The following MRPS31 variants were observed in gnomAD, a reference collection of about 807,000 sequenced individuals.
MRPS31 encodes the protein small ribosomal subunit protein mS31.
A neutral mutation model predicts 43.1 loss-of-function variants in MRPS31; 32 were observed. That is an observed-to-expected ratio of 0.74 (90% CI 0.56 to 1.00). The LOEUF (loss-of-function observed/expected upper bound fraction) is 1.00, where lower values mean the gene tolerates loss of function less well. MRPS31 is among the 50% of genes least tolerant of loss of function. MRPS31 has a pLI of 0.00. For missense variants in MRPS31, 437 were observed against 466.7 expected (o/e 0.94, Z 0.59); for synonymous variants, 165 against 161.6 (o/e 1.02, Z -0.16).
chr13:40,759,239 C>T, intron 2 of MRPS31, 133 bp from the exon 3 acceptor site: 2 of 555,852 alleles, frequency 3.6e-6, no homozygotes, highest in Non-Finnish European at 2.9e-6. Context: ...GAGTTCGAGA[C>T]CAGCCTGGCC....
intron 6 of MRPS31, among the ~76,000 whole-genome samples, chr13:40,746,299 G>A (rs1307122629): frequency 6.6e-6 from 1 of 152,124 alleles, no homozygotes; most frequent in Non-Finnish European, 1.5e-5. Context: ...GAATTGTTGA[G>A]GCTTCAGGTT....
intron 6 of MRPS31, among the ~76,000 whole-genome samples, chr13:40,735,266 G>C (rs1879853825): frequency 6.6e-6 from 1 of 152,198 alleles, no homozygotes; most frequent in Non-Finnish European, 1.5e-5. Context: ...CCCGCACCTG[G>C]CTCAGAGGGT....
At chr13:40,732,296 T>A (rs1005368207) in intron 6 of MRPS31, among the ~76,000 whole-genome samples, 2 of 152,224 alleles carry the variant, frequency 1.3e-5, no homozygotes, top group Non-Finnish European at 2.9e-5. Context: ...CAGCTTTTCA[T>A]GGCCTTCCTC....
At chr13:40,769,202 C>T (rs1436267485) in intron 1 of MRPS31, among the ~76,000 whole-genome samples, 2 of 151,296 alleles carry the variant, frequency 1.3e-5, no homozygotes, top group Admixed American at 6.6e-5. Context: ...ATGGTGAAAT[C>T]CAGTCTCTAC....
chr13:40,730,893 T>A (rs1243256182), intron 6 of MRPS31: 2 of 151,432 alleles, frequency 1.3e-5, no homozygotes, highest in Non-Finnish European at 2.9e-5. Context: ...ACGGCAACCA[T>A]CAAGAACACT....
chr13:40,751,409 T>C (rs1282618789), intron 5 of MRPS31, among the ~76,000 whole-genome samples: 1 of 152,250 alleles, frequency 6.6e-6, no homozygotes, highest in Admixed American at 6.5e-5. Flanking sequence ...GAGATGTATG[T>C]AGTAGCCCTC....
chr13:40,756,628 G>A (rs1362343119), intron 4 of MRPS31, among the ~76,000 whole-genome samples: 9 of 152,162 alleles, frequency 5.9e-5, no homozygotes, highest in East Asian at 3.8e-4. Flanking sequence ...CCTATTCATC[G>A]TGGGTAGATG....
chr13:40,736,328 G>A (rs1879905627), intron 6 of MRPS31, among the ~76,000 whole-genome samples: 1 of 151,980 alleles, frequency 6.6e-6, no homozygotes, highest in African/African-American at 2.4e-5. Flanking sequence ...AAGTGATGGG[G>A]AGAATGGAAC....
At chr13:40,735,590 G>A (rs373586796) in intron 6 of MRPS31, among the ~76,000 whole-genome samples, 16 of 150,360 alleles carry the variant, frequency 1.1e-4, no homozygotes, top group African/African-American at 3.0e-4. Flanking sequence ...ATCTGAGAAC[G>A]GGCAGACTGC....
At chr13:40,757,353 G>A (rs1023765484) in intron 3 of MRPS31, among the ~76,000 whole-genome samples, 3 of 150,888 alleles carry the variant, frequency 2.0e-5, no homozygotes, top group Non-Finnish European at 4.4e-5. Flanking sequence ...AAAACCAAGA[G>A]TTAGCCATAT....
intron 6 of MRPS31, among the ~76,000 whole-genome samples, chr13:40,745,488 G>A (rs765893756): frequency 1.3e-5 from 2 of 152,162 alleles, no homozygotes; most frequent in Non-Finnish European, 2.9e-5. Flanking sequence ...GTGACCTCAG[G>A]TGATATACCT....
chr13:40,729,408 C>T lies in MRPS31; in HGVS notation c.1152G>A (p.Lys384=). ...GTATGTTACTTTCTTTTAGAATATCCTTTTTTTCATTAAAATAATTTCTAA... is the reference window on the plus strand; with the variant it reads ...GTATGTTACTTTCTTTTAGAATATCTTTTTTTTCATTAAAATAATTTCTAA... ...EWFRNYFNEK[K]DILKESNIQF... Residue 384 remains lysine, a synonymous_variant, in exon 7 of 7, where the codon AAG becomes AAA. Coordinates refer to ENST00000323563, the MANE Select transcript of MRPS31 (RefSeq NM_005830.4). 1 of 1,557,080 alleles carries T rather than the reference C, an allele frequency of 6.4e-7. No individual in the cohort carries two copies. The highest frequency in any genetic ancestry group is 8.8e-7 in the Non-Finnish European group (1 of 1,135,580).
chr13:40,734,829 G>A (rs577170956), intron 6 of MRPS31, among the ~76,000 whole-genome samples: 2 of 152,112 alleles, frequency 1.3e-5, no homozygotes, highest in African/African-American at 4.8e-5. Context: ...CCAGGAATTC[G>A]AGGTTGCAGT....
chr13:40,741,236 T>C (rs537795679), intron 6 of MRPS31, among the ~76,000 whole-genome samples: 1 of 152,318 alleles, frequency 6.6e-6, no homozygotes, highest in South Asian at 2.1e-4. Flanking sequence ...TTGTGCTTTA[T>C]ATTATTACCT....
At chr13:40,745,480 G>A (rs550143049) in intron 6 of MRPS31, among the ~76,000 whole-genome samples, 1 of 152,268 alleles carries the variant, frequency 6.6e-6, no homozygotes, top group African/African-American at 2.4e-5. Context: ...TTGAACTCGT[G>A]ACCTCAGGTG....
At chr13:40,735,194 T>C (rs1167939534) in intron 6 of MRPS31, among the ~76,000 whole-genome samples, 1 of 152,094 alleles carries the variant, frequency 6.6e-6, no homozygotes, top group Non-Finnish European at 1.5e-5. Flanking sequence ...GAAAATCGGG[T>C]CACTCCCACC....
In MRPS31 at chr13:40,734,669, G is replaced by A. The variant is rs1249357075; in HGVS notation, c.959-5068C>T. On this transcript the variant is annotated intron_variant, in intron 6 of 6. Coordinates refer to ENST00000323563, the MANE Select transcript of MRPS31 (RefSeq NM_005830.4). ...TAATCCCAGCACTTTGGGAGGCCAA[G>A]CCAGGAGGATCACTTCAGCCCAGCA... 6.3e-4 allele frequency among the ~76,000 whole-genome samples: 96 copies of A among 152,144 alleles called. 1 individual carries two copies. Among genetic ancestry groups the A allele is most frequent in the Non-Finnish European group, 8.8e-5 (6 of 68,026 alleles).
At chr13:40,762,257 T>C (rs1206706665) in intron 2 of MRPS31, among the ~76,000 whole-genome samples, 1 of 151,942 alleles carries the variant, frequency 6.6e-6, no homozygotes, top group East Asian at 1.9e-4. Flanking sequence ...AGAAACAAAT[T>C]TGTGGAATTT....
At chr13:40,755,737 A>G (rs1880509981) in intron 4 of MRPS31, among the ~76,000 whole-genome samples, 1 of 152,318 alleles carries the variant, frequency 6.6e-6, no homozygotes, top group East Asian at 1.9e-4. Flanking sequence ...TTTTTAACAC[A>G]TTGAAAGCAC....
Sources: allele counts gnomAD v4.1 joint callset (sites outside exome capture counted in the v4.1 genomes callset), GRCh38; gene constraint gnomAD v4.1.1; transcripts MANE v1.5; gene names NCBI Gene and HGNC (gene_info 2026-07-23, HGNC 2026-07-21).